USP24: variants seen among roughly 807,000 people sequenced by gnomAD.
USP24 encodes ubiquitin specific peptidase 24.
In USP24, 97 loss-of-function variants were observed where a neutral mutation model predicts 361.6. The ratio of observed to expected loss-of-function variants is 0.27; its 90% CI spans 0.23 to 0.32. The LOEUF is 0.32. Among genes scored for constraint, USP24 ranks in the 10% least tolerant of loss-of-function variants. USP24 has a pLI of 1.00. For synonymous variants in USP24, 1,098 were observed against 1,124.6 expected, an observed-to-expected ratio of 0.98 and a Z score of 0.47; for missense variants, 2,353 against 3,165.6, an observed-to-expected ratio of 0.74 and a Z score of 6.16.
chr1:55,212,533 A>G (rs976099786), intron 1 of USP24, among the ~76,000 whole-genome samples: 8 of 152,184 alleles, frequency 5.3e-5, no homozygotes, highest in African/African-American at 1.9e-4. Flanking sequence ...TAGATGCTGG[A>G]TAATATTTAT....
At chr1:55,079,745 T>C in intron 59 of USP24, 86 bp from the exon 60 acceptor site, 1 of 1,252,750 alleles carries the variant, frequency 8.0e-7, no homozygotes, top group Non-Finnish European at 1.1e-6. Flanking sequence ...ATGTGCCTCC[T>C]TCAAGACTCG....
At chr1:55,121,575 A>T in intron 36 of USP24, 69 bp from the exon 37 acceptor site, 1 of 1,344,418 alleles carries the variant, frequency 7.4e-7, no homozygotes, top group Non-Finnish European at 1.0e-6. Flanking sequence ...AATTTTGATT[A>T]ATTTCTTAAG....
At chr1:55,177,900 G>T in intron 2 of USP24, 67 bp downstream of exon 2, 1 of 1,440,238 alleles carries the variant, frequency 6.9e-7, no homozygotes, top group Non-Finnish European at 9.4e-7. Context: ...AACAACAAAG[G>T]CTAAGATTAA....
rs1392641238 is a variant in USP24 at position 55,134,319 on chromosome 1, T to C, written c.3287+9A>G. On this transcript the variant is annotated intron_variant, in intron 29 of 67. Transcript: ENST00000294383. ...CTCTCTGCCAAGCCTCACAAATATT[T>C]ATATTTACCTTGGCTCTTCCAGATT... The C allele has an allele frequency of 6.2e-7, 1 of 1,610,332 alleles. No individual in the cohort carries two copies. Among genetic ancestry groups the C allele is most frequent in the Non-Finnish European group, 8.5e-7 (1 of 1,177,804 alleles).
At chr1:55,206,810 T>TA (rs1363798285) in intron 1 of USP24, among the ~76,000 whole-genome samples, 1 of 152,158 alleles carries the variant, frequency 6.6e-6, no homozygotes, top group Non-Finnish European at 1.5e-5. Context: ...AGACAATTAA[T>TA]AATAGTGTTG....
intron 3 of USP24, among the ~76,000 whole-genome samples, 184 bp from the exon 4 acceptor site, chr1:55,172,704 CAG>C (rs1412137215): frequency 1.3e-5 from 2 of 152,148 alleles, no homozygotes; most frequent in African/African-American, 4.8e-5. Context: ...AAAGTCAATA[CAG>C]AGTTTTGCTT....
chr1:55,161,382 A>G (rs928649491), intron 8 of USP24, among the ~76,000 whole-genome samples: 5 of 151,774 alleles, frequency 3.3e-5, no homozygotes, highest in Non-Finnish European at 7.4e-5. Context: ...GAAAAAAAAA[A>G]AAAGAAAAGA....
chr1:55,144,242 C>T (rs184033229), intron 20 of USP24, 39 bp from the exon 21 acceptor site: 25 of 1,337,682 alleles, frequency 1.9e-5, no homozygotes, highest in African/African-American at 8.9e-5. Flanking sequence ...ATGTACTCTA[C>T]GTAACACAGA....
chr1:55,141,739 A>T lies in USP24; in HGVS notation c.2635-8T>A. On this transcript the variant is annotated splice_region_variant and splice_polypyrimidine_tract_variant and intron_variant, in intron 23 of 67. Transcript: ENST00000294383. ...AAGTGCTGAACTGGCTGCCTAAAAAATACCAAACAGTCATTCTCTATCAGG... is the reference window on the plus strand; with the variant it reads ...AAGTGCTGAACTGGCTGCCTAAAAATTACCAAACAGTCATTCTCTATCAGG... 6.3e-7 allele frequency: 1 copy of T among 1,593,616 alleles called. No individual in the cohort carries two copies. The highest frequency in any genetic ancestry group is 8.6e-7 in the Non-Finnish European group (1 of 1,168,730).
chr1:55,127,718 C>T (rs1008559108), intron 32 of USP24, among the ~76,000 whole-genome samples: 4 of 152,214 alleles, frequency 2.6e-5, no homozygotes, highest in African/African-American at 9.6e-5. Context: ...TCCACATCCT[C>T]TCCAGCACCT....
chr1:55,177,509 AT>A (rs1650114495), intron 2 of USP24, among the ~76,000 whole-genome samples: 1 of 151,678 alleles, frequency 6.6e-6, no homozygotes, highest in Non-Finnish European at 1.5e-5. Flanking sequence ...AAAATAAGTT[AT>A]TTTCTCTTTT....
At position 55,141,708 on chromosome 1, in the gene USP24, G is replaced by A. The variant is rs750852878; in HGVS notation, c.2658C>T (p.Gly886=). 1.2e-6 allele frequency: 2 copies of A among 1,609,314 alleles called. No individual in the cohort carries two copies. Among genetic ancestry groups the A allele is most frequent in the Non-Finnish European group, 1.7e-6 (2 of 1,177,690 alleles). ...RLEAASSALG[G]PTLTHAVTRA... The stretch of plus-strand genomic sequence containing the variant: ...TGGTCACAGCATGTGTTAGAGTGGG[G>A]CCACCAAGTGCTGAACTGGCTGCCT... The change falls in exon 24 of 68, where the codon GGC becomes GGT. Residue 886 remains glycine, a synonymous_variant. Transcript: ENST00000294383.
intron 44 of USP24, among the ~76,000 whole-genome samples, chr1:55,100,542 C>T (rs974955865): frequency 9.3e-5 from 14 of 150,974 alleles, no homozygotes; most frequent in African/African-American, 2.7e-4. Context: ...TTAGTGAAAT[C>T]GGCACAGGGT....
At chr1:55,106,878 G>C (rs1645789041) in intron 40 of USP24, among the ~76,000 whole-genome samples, 1 of 152,160 alleles carries the variant, frequency 6.6e-6, no homozygotes, top group African/African-American at 2.4e-5. Flanking sequence ...GGGGTGGTTA[G>C]GGGCTGCCTC....
intron 1 of USP24, among the ~76,000 whole-genome samples, chr1:55,188,535 A>G (rs1180361149): frequency 6.6e-6 from 1 of 152,132 alleles, no homozygotes; most frequent in Non-Finnish European, 1.5e-5. Flanking sequence ...AATGGGCAAA[A>G]GATTTGAATA....
intron 4 of USP24, 81 bp downstream of exon 4, chr1:55,172,296 A>C (rs1570605397): frequency 8.0e-7 from 1 of 1,249,814 alleles, no homozygotes; most frequent in East Asian, 2.7e-5. Flanking sequence ...ATTATCACTC[A>C]TTATTAATTA....
rs111908148 is a variant in USP24, at chr1:55,185,036, C to T, written c.325-6904G>A. Among the ~76,000 whole-genome samples the T allele has an allele frequency of 2.2e-3, 340 of 152,172 alleles. 1 individual carries two copies. Among genetic ancestry groups the T allele is most frequent in the African/African-American group, 8.1e-3 (336 of 41,526 alleles). ...GCAGTGGCACAATCACAGCCCACTG[C>T]AGCCTTGACCTCCAGGGCTCAAGGG... On this transcript the variant is annotated intron_variant, in intron 1 of 67. Coordinates refer to ENST00000294383, the MANE Select transcript of USP24 (RefSeq NM_015306.3).
chr1:55,191,222 A>C (rs1644276341), intron 1 of USP24, among the ~76,000 whole-genome samples: 1 of 152,204 alleles, frequency 6.6e-6, no homozygotes, highest in African/African-American at 2.4e-5. Context: ...ATGATTTCTA[A>C]TTGGTCAGTT....
In USP24 at chr1:55,066,720, G is replaced by A. The variant is rs1158112676; in HGVS notation, c.*2325C>T. 2 of 152,144 alleles carry A rather than the reference G, an allele frequency of 1.3e-5. No homozygotes were observed. The highest frequency in any genetic ancestry group is 1.9e-4 in the East Asian group (1 of 5,198). 9.4% of individuals were successfully genotyped at this position (152,144 alleles called of 1,614,324 possible). On this transcript the variant is annotated 3_prime_UTR_variant, in exon 68 of 68. Transcript: ENST00000294383. ...TTTTCTTTCCCAGGATGCCTTCAAC[G>A]GGCAGAATCGGCCATCTTAAGATCG...
Sources: allele counts gnomAD v4.1 joint callset (sites outside exome capture counted in the v4.1 genomes callset), GRCh38; gene constraint gnomAD v4.1.1; transcripts MANE v1.5; gene names NCBI Gene and HGNC (gene_info 2026-07-23, HGNC 2026-07-21).